The following LAMA3 variants were observed in gnomAD, a reference collection of about 807,000 sequenced individuals.
LAMA3 encodes laminin subunit alpha 3.
A neutral mutation model predicts 402.0 loss-of-function variants in LAMA3; 281 were observed. That is an observed-to-expected ratio of 0.70 (90% CI 0.63 to 0.77). LAMA3 has a LOEUF of 0.77. Among genes scored for constraint, LAMA3 ranks in the 30% least tolerant of loss-of-function variants. The pLI, the probability that LAMA3 is intolerant of heterozygous loss-of-function variation, is 0.00. For synonymous variants in LAMA3, 1,431 were observed against 1,558.4 expected (o/e 0.92, Z 1.93); for missense variants, 3,840 against 4,215.5 (o/e 0.91, Z 2.47).
chr18:23,855,372 G>T (rs2064049610), intron 32 of LAMA3, among the ~76,000 whole-genome samples: 1 of 152,204 alleles, frequency 6.6e-6, no homozygotes, highest in South Asian at 2.1e-4. Flanking sequence ...CTGTTCTGAG[G>T]CTTCTCTCTC....
At chr18:23,746,058 C>T (rs1469769862) in intron 2 of LAMA3, among the ~76,000 whole-genome samples, 2 of 152,160 alleles carry the variant, frequency 1.3e-5, no homozygotes, top group Non-Finnish European at 2.9e-5. Context: ...ATTGTTACAC[C>T]TACGTTTAGA....
At chr18:23,835,024 G>T (rs144445368) in intron 24 of LAMA3, among the ~76,000 whole-genome samples, 1 of 152,304 alleles carries the variant, frequency 6.6e-6, no homozygotes, top group African/African-American at 2.4e-5. Flanking sequence ...CACAAAATGA[G>T]CCTAAAAGAG....
chr18:23,875,311 A>T (rs921258426), intron 38 of LAMA3, among the ~76,000 whole-genome samples: 1 of 152,234 alleles, frequency 6.6e-6, no homozygotes, highest in Non-Finnish European at 1.5e-5. Context: ...TCTTAACTAG[A>T]ATCCTTTTAA....
chr18:23,937,899 C>T (rs2082361532), intron 67 of LAMA3, among the ~76,000 whole-genome samples: 1 of 152,208 alleles, frequency 6.6e-6, no homozygotes, highest in South Asian at 2.1e-4. Flanking sequence ...AGAAAACCCA[C>T]TCCTGAAGGA....
rs1229744315 is a variant in LAMA3, at chr18:23,847,679, G to T, written c.4136+11G>T. 1 of 1,610,850 alleles carries T rather than the reference G, an allele frequency of 6.2e-7. No individual in the cohort carries two copies. Among genetic ancestry groups the T allele is most frequent in the South Asian group, 1.1e-5 (1 of 90,472 alleles). ...CAGCGGGCAGTGCAGGTGAGCTGGG[G>T]GAGTAGCCTGTCTGCTTCTGTCACA... On this transcript the variant is annotated intron_variant, in intron 32 of 74. Coordinates refer to ENST00000313654, the MANE Select transcript of LAMA3 (RefSeq NM_198129.4).
intron 12 of LAMA3, among the ~76,000 whole-genome samples, chr18:23,798,156 A>G (rs971399589): frequency 1.3e-5 from 2 of 149,162 alleles, no homozygotes; most frequent in African/African-American, 2.5e-5. Flanking sequence ...CCTCCTTTCT[A>G]TTCCCCTTTC....
chr18:23,777,351 G>A (rs904996151), intron 10 of LAMA3, among the ~76,000 whole-genome samples: 4 of 152,044 alleles, frequency 2.6e-5, no homozygotes, highest in African/African-American at 4.8e-5. Flanking sequence ...TCTGTTCATC[G>A]TTATACAAAT....
At chr18:23,935,279 T>C (rs536406083) in intron 67 of LAMA3, among the ~76,000 whole-genome samples, 1 of 152,220 alleles carries the variant, frequency 6.6e-6, no homozygotes, top group South Asian at 2.1e-4. Flanking sequence ...GGACACGTAT[T>C]TGGAGGAAAA....
intron 23 of LAMA3, 136 bp downstream of exon 23, chr18:23,827,603 C>A: frequency 1.0e-6 from 1 of 968,852 alleles, no homozygotes; most frequent in Non-Finnish European, 1.5e-6. Context: ...TCAACATTTG[C>A]TGAACTATCT....
At position 23,876,292 on chromosome 18, in the gene LAMA3, A is replaced by C. The variant is rs761269065; in HGVS notation, c.4999-2A>C. The C allele has an allele frequency of 6.2e-7, 1 of 1,602,020 alleles. No homozygotes were observed. The highest frequency in any genetic ancestry group is 8.6e-7 in the Non-Finnish European group (1 of 1,168,944). On this transcript the variant is annotated splice_acceptor_variant, in intron 38 of 74. Coordinates refer to ENST00000313654, the MANE Select transcript of LAMA3 (RefSeq NM_198129.4). LOFTEE classifies it high-confidence loss of function. The stretch of plus-strand genomic sequence containing the variant: ...TGATTAAACACTTTGTTTGAAAAAT[A>C]GGGTTGTAGCCCTGGATACTATCGG...
At chr18:23,901,034 T>C (rs1237799598) in intron 47 of LAMA3, 93 bp from the exon 48 acceptor site, 14 of 1,135,560 alleles carry the variant, frequency 1.2e-5, no homozygotes, top group Non-Finnish European at 1.8e-5. Context: ...AACCATGAAA[T>C]GAGTAGAAAC....
At chr18:23,781,183 T>C (rs1337526076) in intron 11 of LAMA3, 2 of 382,808 alleles carry the variant, frequency 5.2e-6, no homozygotes, top group Non-Finnish European at 1.1e-5. Context: ...ATACTTCGTT[T>C]AACGCCAAGA....
In LAMA3 at chr18:23,833,849, C is replaced by T. The variant is rs372960002; in HGVS notation, c.2845C>T (p.Arg949Cys). ...ACAGGTGGAATTGCATCTGCGGCTG[C>T]GCATCCCACAGGTTGGCCACTACGT... Reference protein sequence around the residue: ...GREVELHLRLRIPQVGHYVVV... With the variant: ...GREVELHLRLCIPQVGHYVVV... Residue 949 changes from arginine to cysteine, a missense_variant, in exon 24 of 75, where the codon CGC becomes TGC. Arg to Cys is a radical substitution (Grantham distance 180). Coordinates refer to ENST00000313654, the MANE Select transcript of LAMA3 (RefSeq NM_198129.4). The T allele has an allele frequency of 2.9e-5, 47 of 1,613,320 alleles. No homozygotes were observed. The highest frequency in any genetic ancestry group is 2.1e-4 in the South Asian group (19 of 91,054).
intron 1 of LAMA3, among the ~76,000 whole-genome samples, chr18:23,690,965 C>A (rs1324983623): frequency 1.3e-5 from 2 of 151,574 alleles, no homozygotes; most frequent in African/African-American, 4.9e-5. Flanking sequence ...AAGCTGGTCT[C>A]AAACTCTTAG....
chr18:23,944,161 C>A (rs2082626563), intron 69 of LAMA3, among the ~76,000 whole-genome samples, 190 bp downstream of exon 69: 1 of 152,282 alleles, frequency 6.6e-6, no homozygotes, highest in African/African-American at 2.4e-5. Flanking sequence ...TGGCTGTCAT[C>A]CTAGACAGTA....
At chr18:23,916,318 A>G (rs796239785) in intron 59 of LAMA3, among the ~76,000 whole-genome samples, 7 of 152,284 alleles carry the variant, frequency 4.6e-5, no homozygotes, top group African/African-American at 1.7e-4. Context: ...AGGGTATCTT[A>G]CTCATCTTTG....
chr18:23,944,074 G>A (rs749132383), intron 69 of LAMA3, 103 bp downstream of exon 69: 1 of 1,152,362 alleles, frequency 8.7e-7, no homozygotes, highest in Non-Finnish European at 1.3e-6. Flanking sequence ...TGAGGGCGTG[G>A]AGTGGGAGAG....
At chr18:23,894,210 A>G in intron 42 of LAMA3, 88 bp from the exon 43 acceptor site, 1 of 1,112,908 alleles carries the variant, frequency 9.0e-7, no homozygotes, top group Non-Finnish European at 1.4e-6. Flanking sequence ...AAAACTTTGC[A>G]AAACTAGCTT....
intron 3 of LAMA3, 84 bp downstream of exon 3, chr18:23,748,144 C>A: frequency 1.1e-6 from 1 of 948,316 alleles, no homozygotes; most frequent in Admixed American, 1.7e-5. Flanking sequence ...GAAAATTAAT[C>A]TTGGCTGGGT....
Sources: gnomAD v4.1 joint callset for allele counts (sites outside exome capture counted in the v4.1 genomes callset) on GRCh38, gnomAD v4.1.1 for gene constraint, MANE v1.5 for transcripts, NCBI Gene and HGNC (gene_info 2026-07-23, HGNC 2026-07-21) for gene names.